BRD9: variants seen among roughly 807,000 people sequenced by gnomAD.
BRD9 encodes bromodomain-containing protein 9.
In BRD9, 47 loss-of-function variants were observed where a neutral mutation model predicts 68.7. The ratio of observed to expected loss-of-function variants is 0.68; its 90% confidence interval spans 0.54 to 0.87. The LOEUF is 0.87. Ranked by LOEUF, BRD9 falls within the 40% of genes least tolerant of loss-of-function variation. The pLI, the probability that BRD9 is intolerant of heterozygous loss-of-function variation, is 0.00. For missense variants in BRD9, 670 were observed against 748.4 expected, an observed-to-expected ratio of 0.90 and a Z score of 1.22; for synonymous variants, 313 against 293.9, an observed-to-expected ratio of 1.06 and a Z score of -0.67.
At chr5:873,369 C>A (rs1345802847) in intron 12 of BRD9, among the ~76,000 whole-genome samples, 1 of 152,120 alleles carries the variant, frequency 6.6e-6, no homozygotes, top group African/African-American at 2.4e-5. Context: ...CTGGAGGAAG[C>A]CACACCCACA....
chr5:889,999 G>C (rs896827904), intron 3 of BRD9: 1 of 340,612 alleles, frequency 2.9e-6, no homozygotes, highest in African/African-American at 2.1e-5. Context: ...TGAATTCACC[G>C]ATTATTATTT....
At chr5:870,034 G>C (rs1422602272) in intron 14 of BRD9, among the ~76,000 whole-genome samples, 1 of 152,230 alleles carries the variant, frequency 6.6e-6, no homozygotes, top group African/African-American at 2.4e-5. Context: ...TTATTCTGCG[G>C]GGTGTCACCC....
At chr5:873,582 A>C (rs911972430) in intron 12 of BRD9, among the ~76,000 whole-genome samples, 13 of 152,110 alleles carry the variant, frequency 8.5e-5, no homozygotes, top group African/African-American at 3.1e-4. Context: ...CTTTCCTGAG[A>C]TCTACCCCCG....
At chr5:886,262 C>T (rs1269137094) in intron 7 of BRD9, among the ~76,000 whole-genome samples, 5 of 152,266 alleles carry the variant, frequency 3.3e-5, no homozygotes, top group African/African-American at 9.6e-5. Flanking sequence ...GACAAGGGCA[C>T]AGCCTTGGCT....
intron 5 of BRD9, chr5:888,473 T>C (rs1024285420): frequency 1.3e-5 from 2 of 152,274 alleles, no homozygotes; most frequent in African/African-American, 4.8e-5. Flanking sequence ...GAGAGAAATC[T>C]AATGCCTTTC....
chr5:889,509 G>C, intron 4 of BRD9, 78 bp downstream of exon 4: 2 of 1,488,868 alleles, frequency 1.3e-6, no homozygotes, highest in East Asian at 2.3e-5. Context: ...TGACGAGGCT[G>C]GCGTGGGGAA....
Position 870,618 on chromosome 5 carries a change from C to T in BRD9, c.1423-43G>A, listed in dbSNP as rs376725776. On this transcript the variant is annotated intron_variant, in intron 13 of 15. Coordinates refer to ENST00000467963, the MANE Select transcript of BRD9 (RefSeq NM_023924.5). ...CATCAAGAGCAATTCAAACATCAAA[C>T]GAAAAACGAAATGTTACTTCACACT... 5.8e-6 allele frequency: 8 copies of T among 1,389,478 alleles called. No homozygotes were observed. In the African/African-American group the frequency reaches 7.2e-5, roughly 12 times the overall value. 86.1% of individuals were successfully genotyped at this position (1,389,478 alleles called of 1,614,324 possible). A position where few individuals can be genotyped will look rare whatever the true frequency, so the allele number is the denominator to read the frequency against.
intron 1 of BRD9, chr5:892,405 G>A (rs967258684): frequency 2.2e-5 from 27 of 1,233,012 alleles, no homozygotes; most frequent in East Asian, 3.1e-5. Flanking sequence ...CCTCTACCAG[G>A]AACGTAAGCG....
chr5:864,548 CA>C lies in BRD9; in HGVS notation c.1713del (p.Ser571ArgfsTer47). 6.2e-7 allele frequency: 1 copy of C among 1,613,914 alleles called. No individual in the cohort carries two copies. Among genetic ancestry groups the C allele is most frequent in the Non-Finnish European group, 8.5e-7 (1 of 1,179,890 alleles). On this transcript the variant is annotated frameshift_variant, in exon 16 of 16. Coordinates refer to ENST00000467963, the MANE Select transcript of BRD9 (RefSeq NM_023924.5). LOFTEE classifies it high-confidence loss of function. ...TGGGTGACGTCTGGCTGCTCCCCGA[CA>C]CTCAGGCGAGAAGGGCTTCCTGCAA... Reference protein sequence around the residue: ...QHHLGSPSRLSVGEQPDVTHD... With the variant: ...QHHLGSPSRLXVGEQPDVTHD...
At chr5:886,443 A>ACTC in intron 7 of BRD9, 149 bp downstream of exon 7, 10 of 829,160 alleles carry the variant, frequency 1.2e-5, no homozygotes, top group Non-Finnish European at 1.9e-5. Flanking sequence ...GTCTGGCCAC[A>ACTC]CTCCTCCTGC....
intron 11 of BRD9, 46 bp from the exon 12 acceptor site, chr5:876,258 C>T (rs371386592): frequency 8.0e-6 from 12 of 1,497,856 alleles, no homozygotes; most frequent in African/African-American, 2.8e-5. Flanking sequence ...GCCCTTGTCG[C>T]CTGGCCCTCG....
Position 865,416 on chromosome 5 carries a change from A to G in BRD9, c.1691T>C (p.Leu564Pro). Residue 564 changes from leucine to proline, a missense_variant and splice_region_variant, in exon 15 of 16, where the codon CTG becomes CCG. Coordinates refer to ENST00000467963, the MANE Select transcript of BRD9 (RefSeq NM_023924.5). ...SNASERDQHH[L>P]GSPSRLSVGE... The stretch of plus-strand genomic sequence containing the variant: ...CGGCGTGGGTGGGGGCATCTCACCC[A>G]GGTGGTGCTGGTCCCTCTCGGAGGC... 2 of 1,573,970 alleles carry G rather than the reference A, an allele frequency of 1.3e-6. No individual in the cohort carries two copies. Among genetic ancestry groups the G allele is most frequent in the Non-Finnish European group, 1.7e-6 (2 of 1,156,348 alleles).
chr5:867,342 G>A (rs973932391), intron 14 of BRD9, among the ~76,000 whole-genome samples: 15 of 152,228 alleles, frequency 9.9e-5, no homozygotes, highest in African/African-American at 3.1e-4. Context: ...CAGTGCAGAG[G>A]GGAAATGTGA....
intron 3 of BRD9, among the ~76,000 whole-genome samples, chr5:890,547 C>G (rs796972514): frequency 2.6e-5 from 4 of 152,346 alleles, no homozygotes; most frequent in African/African-American, 9.6e-5. Context: ...CAAATGCCAT[C>G]CTTCGCAGAT....
chr5:892,777 G>T lies in BRD9; in HGVS notation c.-120C>A. 7.1e-5 allele frequency: 77 copies of T among 1,090,626 alleles called. No individual in the cohort carries two copies. Among genetic ancestry groups the T allele is most frequent in the Non-Finnish European group, 8.7e-5 (75 of 862,840 alleles). 67.6% of individuals were successfully genotyped at this position (1,090,626 alleles called of 1,614,324 possible). A position where few individuals can be genotyped will look rare whatever the true frequency, so the allele number is the denominator to read the frequency against. On this transcript the variant is annotated 5_prime_UTR_variant, in exon 1 of 16. Transcript: ENST00000467963. The stretch of plus-strand genomic sequence containing the variant: ...CCGCGCTCGCTGCGCCGAGGTTGCC[G>T]AGCTCGCTGGGCCGCGCCGGAAACG...
At position 871,540 on chromosome 5, in the gene BRD9, G is replaced by A; in HGVS notation, c.1408C>T (p.Pro470Ser). The A allele has an allele frequency of 6.2e-7, 1 of 1,614,152 alleles. No individual in the cohort carries two copies. Among genetic ancestry groups the A allele is most frequent in the Non-Finnish European group, 8.5e-7 (1 of 1,179,966 alleles). Residue 470 changes from proline (P) to serine (S), a missense_variant, in exon 13 of 16, where the codon CCA (proline) becomes TCA (serine). This residue lies in a region of BRD9 where 280 missense variants were observed against 281.5 expected (regional missense o/e 0.99). Transcript: ENST00000467963. ...KQRRNVPMKPPDEAKVGDTLG... is the reference protein window; with the variant it reads ...KQRRNVPMKPSDEAKVGDTLG... ...CAAAAACTTACCTTGGCTTCATCTG[G>A]AGGCTTCATGGGAACATTTCTTCTC...
intron 1 of BRD9, chr5:892,404 G>A (rs1032879626): frequency 1.4e-5 from 17 of 1,232,852 alleles, no homozygotes; most frequent in Admixed American, 1.3e-4. Context: ...CCCTCTACCA[G>A]GAACGTAAGC....
Position 864,565 on chromosome 5 carries a change from C to A in BRD9, c.1697G>T (p.Ser566Ile). ...CTCCCCGACACTCAGGCGAGAAGGG[C>A]TTCCTGCAATTTTCAGAACACAGGA... ...ASERDQHHLGSPSRLSVGEQP... is the reference protein window; with the variant it reads ...ASERDQHHLGIPSRLSVGEQP... The change falls in exon 16 of 16, where the codon AGC becomes ATC. Residue 566 changes from serine to isoleucine, a missense_variant. Physicochemically the swap from Ser to Ile is moderately radical, Grantham distance 142. Around this residue, in one of 5 missense-constraint regions of BRD9, gnomAD observed 280 missense variants for 281.5 expected, o/e 0.99. Transcript: ENST00000467963. The A allele has an allele frequency of 1.2e-6, 2 of 1,613,506 alleles. No individual in the cohort carries two copies. The highest frequency in any genetic ancestry group is 8.5e-7 in the Non-Finnish European group (1 of 1,179,648).
In BRD9 at chr5:878,483, G is replaced by A. The variant is rs776335129; in HGVS notation, c.1143C>T (p.Thr381=). 25 of 1,614,038 alleles carry A rather than the reference G, an allele frequency of 1.5e-5. No individual in the cohort carries two copies. In the African/African-American group the frequency reaches 2.8e-4, roughly 18 times the overall value. The change falls in exon 11 of 16, where the codon ACC becomes ACT. Residue 381 remains threonine (T), a synonymous_variant. Coordinates refer to ENST00000467963, the MANE Select transcript of BRD9 (RefSeq NM_023924.5). ...GFKDERRNKV[T]FLSSATTALS... is the part of the protein sequence containing the mutation. Reference sequence around the variant, plus strand: ...GCGCAGTAGTGGCACTGGAGAGAAAGGTGACTGGGAGGAAGAGGAGAGAGC... The same window carrying A: ...GCGCAGTAGTGGCACTGGAGAGAAAAGTGACTGGGAGGAAGAGGAGAGAGC...
Sources: gnomAD v4.1 joint callset for allele counts (sites outside exome capture counted in the v4.1 genomes callset) on GRCh38, gnomAD v4.1.1 for gene constraint, gnomAD v4.1.1 regional missense constraint, MANE v1.5 for transcripts, NCBI Gene and HGNC (gene_info 2026-07-23, HGNC 2026-07-21) for gene names.